STX18: variants seen among roughly 807,000 people sequenced by gnomAD.
STX18 encodes syntaxin-18.
In STX18, 40 loss-of-function variants were observed where a neutral mutation model predicts 50.1. The ratio of observed to expected loss-of-function variants is 0.80; its 90% CI spans 0.62 to 1.04. STX18 has a LOEUF of 1.04. STX18 is among the 50% of genes least tolerant of loss of function. The pLI is 0.00. For missense variants in STX18, 410 were observed against 415.8 expected (o/e 0.99, Z 0.12); for synonymous variants, 158 against 151.8 (o/e 1.04, Z -0.30).
At chr4:4,486,545 T>C (rs1161283947) in intron 1 of STX18, among the ~76,000 whole-genome samples, 1 of 152,220 alleles carries the variant, frequency 6.6e-6, no homozygotes, top group Non-Finnish European at 1.5e-5. Flanking sequence ...TTACAGATTA[T>C]TGCATTTAAT....
At chr4:4,490,451 T>C (rs1455934764) in intron 1 of STX18, among the ~76,000 whole-genome samples, 1 of 152,224 alleles carries the variant, frequency 6.6e-6, no homozygotes, top group Non-Finnish European at 1.5e-5. Context: ...ATTACGGTTT[T>C]AAATTTCTAT....
chr4:4,505,684 G>A (rs1729671256), intron 1 of STX18, among the ~76,000 whole-genome samples: 1 of 152,110 alleles, frequency 6.6e-6, no homozygotes, highest in African/African-American at 2.4e-5. Context: ...AGCTACTCAG[G>A]AGGCTGAGGC....
rs950398850 is a variant in STX18, at chr4:4,420,201, C to G, written c.913-72G>C. 4 of 1,221,142 alleles carry G rather than the reference C, an allele frequency of 3.3e-6. No individual in the cohort carries two copies. Among genetic ancestry groups the G allele is most frequent in the African/African-American group, 3.0e-5 (2 of 66,900 alleles). 75.6% of individuals were successfully genotyped at this position (1,221,142 alleles called of 1,614,324 possible). A position where few individuals can be genotyped will look rare whatever the true frequency, so the allele number is the denominator to read the frequency against. Reference sequence around the variant, plus strand: ...GTTTGAGCAGCCCTGAAATGCCCCCCTCTTCCCACGTGCTCTCCTGATCCT... The same window carrying G: ...GTTTGAGCAGCCCTGAAATGCCCCCGTCTTCCCACGTGCTCTCCTGATCCT... On this transcript the variant is annotated intron_variant, in intron 10 of 10. Coordinates refer to ENST00000306200, the MANE Select transcript of STX18 (RefSeq NM_016930.4). The surrounding 1 kb of genome is among the most constrained non-coding windows in gnomAD (Gnocchi z 4.3).
intron 1 of STX18, among the ~76,000 whole-genome samples, chr4:4,533,433 T>C (rs973593400): frequency 2.0e-5 from 3 of 151,846 alleles, no homozygotes; most frequent in African/African-American, 4.9e-5. Context: ...CTCAATAATA[T>C]ATTTCTATCC....
Position 4,459,494 on chromosome 4 carries a change from A to G in STX18, c.237-7T>C. The G allele has an allele frequency of 6.3e-7, 1 of 1,597,766 alleles. No individual in the cohort carries two copies. The highest frequency in any genetic ancestry group is 1.3e-5 in the African/African-American group (1 of 74,708). ...ATATTCAGACATGGTATGGCTAAAA[A>G]AAGACAGCAAAGGAAAGGGCAGCAG... On this transcript the variant is annotated splice_polypyrimidine_tract_variant and splice_region_variant and intron_variant, in intron 2 of 10. Transcript: ENST00000306200.
At chr4:4,459,185 T>A (rs1460825116) in intron 3 of STX18, among the ~76,000 whole-genome samples, 187 bp downstream of exon 3, 1 of 152,214 alleles carries the variant, frequency 6.6e-6, no homozygotes, top group Non-Finnish European at 1.5e-5. Flanking sequence ...TTAACTTGAA[T>A]GATACAGCCT....
chr4:4,521,599 A>C (rs2108906976), intron 1 of STX18, among the ~76,000 whole-genome samples: 1 of 152,312 alleles, frequency 6.6e-6, no homozygotes, highest in South Asian at 2.1e-4. Context: ...ACTACAGATG[A>C]AGTTAGAATA....
At chr4:4,535,321 A>G (rs1731280219) in intron 1 of STX18, among the ~76,000 whole-genome samples, 1 of 152,224 alleles carries the variant, frequency 6.6e-6, no homozygotes, top group Non-Finnish European at 1.5e-5. Flanking sequence ...TTCAAAACTT[A>G]CAGTCCTCCT....
intron 1 of STX18, among the ~76,000 whole-genome samples, chr4:4,479,329 C>T (rs1560185051): frequency 1.3e-5 from 2 of 152,076 alleles, no homozygotes; most frequent in African/African-American, 4.8e-5. Context: ...TGTCTCAAAC[C>T]GAGTGCCTGT....
Position 4,447,592 on chromosome 4 carries a change from CAAAAAAAAAAAAAAAAAAAAAAA to C in STX18, c.498-9106_498-9084del, listed in dbSNP as rs34300930. 2.9e-3 allele frequency among the ~76,000 whole-genome samples: 131 copies of C among 45,910 alleles called. 2 individuals carry two copies. The highest frequency in any genetic ancestry group is 3.1e-3 in the South Asian group (2 of 648). The allele number at this position is 45,910 out of a possible 152,430, so 30.1% of individuals were successfully genotyped here. On this transcript the variant is annotated intron_variant, in intron 5 of 10. Coordinates refer to ENST00000306200, the MANE Select transcript of STX18 (RefSeq NM_016930.4). ...GGCGACAGAGCGAGACTCCGTCTCACAAAAAAAAAAAAAAAAAAAAAAAAAAAAAAAAAAAAAAAAAATGGGGC... is the reference window on the plus strand; with the variant it reads ...GGCGACAGAGCGAGACTCCGTCTCACAAAAAAAAAAAAAAAAAAATGGGGC...
chr4:4,459,050 A>ACACACACACATG, intron 3 of STX18, among the ~76,000 whole-genome samples: 1 of 131,126 alleles, frequency 7.6e-6, no homozygotes, highest in Non-Finnish European at 1.6e-5. Flanking sequence ...GCCACACAGA[A>ACACACACACATG]CACACACACA....
At chr4:4,465,155 A>G (rs1298774673) in intron 2 of STX18, among the ~76,000 whole-genome samples, 1 of 152,136 alleles carries the variant, frequency 6.6e-6, no homozygotes, top group Non-Finnish European at 1.5e-5. Flanking sequence ...TGGGAGCATA[A>G]ATTAGTTCAA....
At position 4,423,519 on chromosome 4, in the gene STX18, T is replaced by C. The variant is rs752628022; in HGVS notation, c.830A>G (p.Gln277Arg). Residue 277 changes from glutamine (Q) to arginine (R), a missense_variant and splice_region_variant, in exon 9 of 11, where the codon CAG (glutamine) becomes CGG (arginine). Physicochemically the swap from Gln to Arg is conservative, Grantham distance 43. Transcript: ENST00000306200. ...QEIFTEKVLQQEAEIDSIHQL... is the reference protein window; with the variant it reads ...QEIFTEKVLQREAEIDSIHQL... Reference sequence around the variant, plus strand: ...GCTCCTTTGTTTTTGTTTTTTTACCTGTTGCAAAACCTTTTCCGTGAATAT... The same window carrying C: ...GCTCCTTTGTTTTTGTTTTTTTACCCGTTGCAAAACCTTTTCCGTGAATAT... 3.7e-6 allele frequency: 6 copies of C among 1,614,188 alleles called. No individual in the cohort carries two copies. The highest frequency in any genetic ancestry group is 5.1e-6 in the Non-Finnish European group (6 of 1,180,010).
chr4:4,520,752 A>T (rs1730471020), intron 1 of STX18, among the ~76,000 whole-genome samples: 1 of 152,230 alleles, frequency 6.6e-6, no homozygotes, highest in South Asian at 2.1e-4. Context: ...ACTGATTCCA[A>T]AAAGAAGACT....
rs140699380 is a variant in STX18 at position 4,541,966 on chromosome 4, G to A, written c.-2C>T. 6 of 1,601,024 alleles carry A rather than the reference G, an allele frequency of 3.7e-6. No homozygotes were observed. The highest frequency in any genetic ancestry group is 4.5e-5 in the East Asian group (2 of 43,992). ...TAGCAGCGTGATGTCCACCGCCATA[G>A]CGACCCGCACCCTCAGCCCCACACT... On this transcript the variant is annotated 5_prime_UTR_variant, in exon 1 of 11. Transcript: ENST00000306200.
chr4:4,509,194 C>T (rs1045832454), intron 1 of STX18, among the ~76,000 whole-genome samples: 1 of 152,174 alleles, frequency 6.6e-6, no homozygotes, highest in African/African-American at 2.4e-5. Context: ...TAAAAGCATT[C>T]CTTTTTGTCT....
chr4:4,422,293 G>A (rs1276717176), intron 9 of STX18, among the ~76,000 whole-genome samples: 5 of 152,144 alleles, frequency 3.3e-5, no homozygotes, highest in South Asian at 2.1e-4. Context: ...TGGGCCGGGC[G>A]CAGTGGCTCT....
intron 1 of STX18, among the ~76,000 whole-genome samples, chr4:4,494,424 C>T (rs762803406): frequency 6.6e-6 from 1 of 152,158 alleles, no homozygotes; most frequent in Non-Finnish European, 1.5e-5. Context: ...ATATCCAAGT[C>T]TCGGTGCTGT....
intron 9 of STX18, among the ~76,000 whole-genome samples, chr4:4,422,083 A>C (rs1724997593): frequency 6.6e-6 from 1 of 152,180 alleles, no homozygotes; most frequent in African/African-American, 2.4e-5. Context: ...GGAGGAAGGC[A>C]GCATGTGGCC....
Sources: allele counts gnomAD v4.1 joint callset (sites outside exome capture counted in the v4.1 genomes callset), GRCh38; gene constraint gnomAD v4.1.1; non-coding constraint Gnocchi (gnomAD v3.1); transcripts MANE v1.5; gene names NCBI Gene and HGNC (gene_info 2026-07-23, HGNC 2026-07-21).